The following KDM4C variants were observed in gnomAD, a reference collection of about 807,000 sequenced individuals.
KDM4C encodes the protein lysine-specific demethylase 4C.
In KDM4C, 81 loss-of-function variants were observed where a neutral mutation model predicts 129.3. The observed-to-expected ratio is 0.63, with a 90% CI of 0.52 to 0.75. The LOEUF (loss-of-function observed/expected upper bound fraction) is 0.75. Among genes scored for constraint, KDM4C ranks in the 30% least tolerant of loss-of-function variants. KDM4C has a pLI of 0.00. For missense variants in KDM4C, 1,457 were observed against 1,304.0 expected (o/e 1.12, Z -1.81); for synonymous variants, 573 against 456.1 (o/e 1.26, Z -3.26).
upstream of KDM4C, among the ~76,000 whole-genome samples, chr9:6,755,344 C>T (rs147474698): frequency 2.4e-3 from 363 of 152,338 alleles, 1 homozygote; most frequent in African/African-American, 8.5e-3. Context: ...GCACTCCAGC[C>T]TGGGCAACAG....
intron 12 of KDM4C, among the ~76,000 whole-genome samples, chr9:6,995,887 G>C (rs1029063917): frequency 2.2e-5 from 3 of 134,340 alleles, no homozygotes; most frequent in Non-Finnish European, 5.1e-5. Flanking sequence ...TAGCCAGGAT[G>C]GTCTCGATCT....
intron 20 of KDM4C, among the ~76,000 whole-genome samples, chr9:7,169,562 G>C (rs1406441887): frequency 1.3e-5 from 2 of 152,066 alleles, no homozygotes; most frequent in African/African-American, 2.4e-5. Context: ...TCGATCTCCT[G>C]ACCTTGGGAT....
intron 1 of KDM4C, among the ~76,000 whole-genome samples, chr9:6,760,282 A>C (rs985017720): frequency 6.6e-6 from 1 of 152,058 alleles, no homozygotes; most frequent in Non-Finnish European, 1.5e-5. Flanking sequence ...AGCCTGTATC[A>C]GTACTTCATT....
chr9:6,733,307 G>T (rs1281381700), intron 1 of KDM4C, among the ~76,000 whole-genome samples: 1 of 152,258 alleles, frequency 6.6e-6, no homozygotes, highest in African/African-American at 2.4e-5. Context: ...ATTGCCTACA[G>T]AAAGGGGCTT....
rs564242875 is a variant in KDM4C, at chr9:6,776,664, G to T, written c.-17-16308G>T. Among the ~76,000 whole-genome samples the T allele has an allele frequency of 2.8e-4, 41 of 145,478 alleles. No homozygotes were observed. The East Asian group carries it at 7.7e-3, about 27-fold the overall frequency. ...TTTTTGACCAGGCTGGAGTGCAATG[G>T]CGCTATCTCAGCTCACTGCAACCTC... On this transcript the variant is annotated intron_variant, in intron 1 of 21. Coordinates refer to ENST00000381309, the MANE Select transcript of KDM4C (RefSeq NM_015061.6).
At chr9:6,832,991 C>G (rs1835183776) in intron 4 of KDM4C, among the ~76,000 whole-genome samples, 1 of 151,850 alleles carries the variant, frequency 6.6e-6, no homozygotes, top group Non-Finnish European at 1.5e-5. Flanking sequence ...TTGCCTCGGC[C>G]TCCCAAAGTG....
chr9:6,991,485 C>G lies in KDM4C; in HGVS notation c.1786+961C>G, dbSNP rs575083840. 2.0e-5 allele frequency among the ~76,000 whole-genome samples: 3 copies of G among 152,112 alleles called. No homozygotes were observed. In the South Asian group the frequency reaches 6.2e-4, roughly 32 times the overall value. ...GTGTCTTGTATATGTCTCCTAGCAT[C>G]ATGAAGGCCTTATTTTTTCTGTGTT... On this transcript the variant is annotated intron_variant, in intron 12 of 21. Transcript: ENST00000381309.
chr9:6,797,542 A>G (rs967609315), intron 2 of KDM4C, among the ~76,000 whole-genome samples: 3 of 152,132 alleles, frequency 2.0e-5, no homozygotes, highest in Non-Finnish European at 4.4e-5. Flanking sequence ...CACATGTAAA[A>G]CTTGTACTGT....
At chr9:7,128,485 A>T (rs1369551242) in intron 19 of KDM4C, among the ~76,000 whole-genome samples, 2 of 152,222 alleles carry the variant, frequency 1.3e-5, no homozygotes, top group East Asian at 3.9e-4. Context: ...TTAAAGGTCC[A>T]CCTGTTAATA....
chr9:6,744,688 C>G lies in KDM4C; in HGVS notation c.49+23691C>G, dbSNP rs532335680. Reference sequence around the variant, plus strand: ...AGGATTACAGGCATGAGCTGCCACCCTCAGCCAACAGCTTAATTTCTGCCA... The same window carrying G: ...AGGATTACAGGCATGAGCTGCCACCGTCAGCCAACAGCTTAATTTCTGCCA... On this transcript the variant is annotated intron_variant, in intron 1 of 17. Coordinates refer to the KDM4C transcript ENST00000536108. 2.0e-5 allele frequency among the ~76,000 whole-genome samples: 3 copies of G among 152,264 alleles called. No homozygotes were observed. In the East Asian group the frequency reaches 5.8e-4, roughly 29 times the overall value.
chr9:6,988,002 A>G (rs1197595177), intron 11 of KDM4C, among the ~76,000 whole-genome samples: 4 of 151,654 alleles, frequency 2.6e-5, no homozygotes, highest in African/African-American at 9.7e-5. Flanking sequence ...TACAAAAAAA[A>G]AATAAAAAAA....
At chr9:6,875,033 T>A (rs1843346489) in intron 5 of KDM4C, among the ~76,000 whole-genome samples, 1 of 152,160 alleles carries the variant, frequency 6.6e-6, no homozygotes, top group African/African-American at 2.4e-5. Context: ...TTGCTGGTCC[T>A]GAGCACACCA....
intron 17 of KDM4C, among the ~76,000 whole-genome samples, chr9:7,088,530 G>T (rs1835412651): frequency 6.6e-6 from 1 of 152,138 alleles, no homozygotes; most frequent in Non-Finnish European, 1.5e-5. Context: ...ATGATTTGTA[G>T]CCAGCTTTCT....
chr9:7,090,251 T>G (rs1293731798), intron 17 of KDM4C, among the ~76,000 whole-genome samples: 1 of 152,232 alleles, frequency 6.6e-6, no homozygotes, highest in African/African-American at 2.4e-5. Context: ...TAAAATGACA[T>G]TTACCTCTTC....
chr9:7,156,313 C>A (rs1258828400), intron 19 of KDM4C, among the ~76,000 whole-genome samples: 1 of 152,202 alleles, frequency 6.6e-6, no homozygotes, highest in Non-Finnish European at 1.5e-5. Context: ...TGCCTGTTCA[C>A]TCTAATGGTA....
intron 19 of KDM4C, among the ~76,000 whole-genome samples, chr9:7,159,579 C>T (rs1039857138): frequency 5.9e-5 from 9 of 152,142 alleles, no homozygotes; most frequent in South Asian, 4.1e-4. Context: ...TTTATTTCTC[C>T]TTCATTTATG....
At chr9:7,151,721 A>G (rs1842748149) in intron 19 of KDM4C, among the ~76,000 whole-genome samples, 1 of 152,184 alleles carries the variant, frequency 6.6e-6, no homozygotes, top group Admixed American at 6.5e-5. Flanking sequence ...ACTTGGATAG[A>G]CTTGGAGTTT....
At chr9:7,117,683 G>T (rs78329220) in intron 18 of KDM4C, among the ~76,000 whole-genome samples, 3,462 of 151,154 alleles carry the variant, frequency 0.023, 91 homozygotes, top group East Asian at 0.13. Context: ...GTTAATGATT[G>T]AGATTGTGGG....
In KDM4C at chr9:6,918,009, C is replaced by T. The variant is rs115968497; in HGVS notation, c.921+24777C>T. ...TTCTCCCATTTGAAAAATATCTTCT[C>T]TTTTTAAAAAATATAAACTTTTATT... On this transcript the variant is annotated intron_variant, in intron 8 of 21. Coordinates refer to ENST00000381309, the MANE Select transcript of KDM4C (RefSeq NM_015061.6). Among the ~76,000 whole-genome samples, 1,367 of 152,340 alleles carry T rather than the reference C, an allele frequency of 9.0e-3. 25 individuals are homozygous for T. Among genetic ancestry groups the T allele is most frequent in the African/African-American group, 0.031 (1,288 of 41,580 alleles).
Sources: gnomAD v4.1 joint callset for allele counts (sites outside exome capture counted in the v4.1 genomes callset) on GRCh38, gnomAD v4.1.1 for gene constraint, MANE v1.5 for transcripts, NCBI Gene and HGNC (gene_info 2026-07-23, HGNC 2026-07-21) for gene names.